GIGYF2: variants seen among roughly 807,000 people sequenced by gnomAD.
GIGYF2 encodes GRB10-interacting GYF protein 2.
Under a neutral mutation model 208.1 loss-of-function variants are expected in GIGYF2, and 25 were observed. The observed-to-expected ratio is 0.12, with a 90% CI of 0.09 to 0.17. The LOEUF (loss-of-function observed/expected upper bound fraction) is 0.17. Ranked by LOEUF, GIGYF2 falls within the 10% of genes least tolerant of loss-of-function variation. The pLI, the probability that GIGYF2 is intolerant of heterozygous loss-of-function variation, is 1.00. For missense variants in GIGYF2, 1,302 were observed against 1,579.4 expected (o/e 0.82, Z 2.98); for synonymous variants, 534 against 543.8 (o/e 0.98, Z 0.25).
chr2:232,849,613 A>T (rs76447861), intron 27 of GIGYF2, among the ~76,000 whole-genome samples: 2,736 of 152,280 alleles, frequency 0.018, 89 homozygotes, highest in African/African-American at 0.062. Flanking sequence ...ACATGCTCAC[A>T]CCAGGCTTGT....
chr2:232,798,567 G>A (rs1275169308), intron 14 of GIGYF2, among the ~76,000 whole-genome samples: 2 of 152,120 alleles, frequency 1.3e-5, no homozygotes, highest in Non-Finnish European at 1.5e-5. Flanking sequence ...ATCCTTATCA[G>A]CATTTGATGT....
intron 9 of GIGYF2, 97 bp from the exon 10 acceptor site, chr2:232,790,601 C>T: frequency 2.0e-6 from 2 of 1,022,146 alleles, no homozygotes; most frequent in South Asian, 2.5e-5. Flanking sequence ...AGTTTGCGGT[C>T]ACTTGTAGTT....
chr2:232,784,288 A>AC (rs1384802448), intron 8 of GIGYF2, among the ~76,000 whole-genome samples: 1 of 150,552 alleles, frequency 6.6e-6, no homozygotes, highest in Non-Finnish European at 1.5e-5. Context: ...ACATAGCAAG[A>AC]CCCCCATCTC....
At chr2:232,764,732 A>G (rs1452526850) in intron 8 of GIGYF2, 1 of 152,194 alleles carries the variant, frequency 6.6e-6, no homozygotes, top group Non-Finnish European at 1.5e-5. Context: ...ATTGTCTGAA[A>G]ATGGCTTGGG....
chr2:232,726,310 A>C (rs1245251426), intron 2 of GIGYF2, among the ~76,000 whole-genome samples: 1 of 149,348 alleles, frequency 6.7e-6, no homozygotes, highest in African/African-American at 2.5e-5. Context: ...CGGAGGTTGC[A>C]GTGAGCCGCT....
chr2:232,819,552 T>C (rs1316326370), intron 20 of GIGYF2, among the ~76,000 whole-genome samples: 1 of 152,226 alleles, frequency 6.6e-6, no homozygotes, highest in African/African-American at 2.4e-5. Flanking sequence ...GGTTAATCAG[T>C]AAATGATGTA....
At chr2:232,708,487 A>T (rs1457487369) in intron 2 of GIGYF2, among the ~76,000 whole-genome samples, 1 of 152,102 alleles carries the variant, frequency 6.6e-6, no homozygotes, top group Non-Finnish European at 1.5e-5. Flanking sequence ...TGAGTACCAT[A>T]TCAATATGTA....
chr2:232,737,050 A>G (rs577019915), intron 3 of GIGYF2, among the ~76,000 whole-genome samples: 1 of 152,330 alleles, frequency 6.6e-6, no homozygotes, highest in African/African-American at 2.4e-5. Flanking sequence ...ATTGAAAGAC[A>G]GAGACGTCCA....
chr2:232,809,599 G>T, intron 15 of GIGYF2, 121 bp from the exon 16 acceptor site: 2 of 713,880 alleles, frequency 2.8e-6, no homozygotes, highest in Non-Finnish European at 5.2e-6. Context: ...TTGGGTAAAA[G>T]GGTAGAGCTG....
chr2:232,720,551 C>T (rs1696885671), intron 2 of GIGYF2, among the ~76,000 whole-genome samples: 1 of 149,802 alleles, frequency 6.7e-6, no homozygotes, highest in East Asian at 2.0e-4. Context: ...GTTTACACTC[C>T]TACCAACAGT....
intron 2 of GIGYF2, among the ~76,000 whole-genome samples, chr2:232,717,186 C>A (rs1559379413): frequency 6.6e-6 from 1 of 152,038 alleles, no homozygotes; most frequent in Non-Finnish European, 1.5e-5. Context: ...GTAGCTCATA[C>A]CTGTAATCCC....
In GIGYF2 at chr2:232,792,328, A is replaced by G. The variant is rs1010158525; in HGVS notation, c.1282+882A>G. Among the ~76,000 whole-genome samples, 61 of 152,192 alleles carry G rather than the reference A, an allele frequency of 4.0e-4. 1 individual carries two copies. Among genetic ancestry groups the G allele is most frequent in the African/African-American group, 1.4e-3 (57 of 41,464 alleles). On this transcript the variant is annotated intron_variant, in intron 12 of 28. Coordinates refer to ENST00000373563, the MANE Select transcript of GIGYF2 (RefSeq NM_001103146.3). ...GGCTTATTTCTAACATAGCATTATAATATCATAAAGATGTTTATTACCTTG... is the reference window on the plus strand; with the variant it reads ...GGCTTATTTCTAACATAGCATTATAGTATCATAAAGATGTTTATTACCTTG...
rs568677322 is a variant in GIGYF2 at position 232,800,754 on chromosome 2, A to G, written c.1639+4533A>G. 4.0e-5 allele frequency among the ~76,000 whole-genome samples: 6 copies of G among 151,858 alleles called. No homozygotes were observed. The South Asian group carries it at 1.2e-3, about 31-fold the overall frequency. Reference sequence around the variant, plus strand: ...ACTCAGCTAATTATTTTTCTTTTTTAGAGATGAGGTTTCAGCTGACACACG... The same window carrying G: ...ACTCAGCTAATTATTTTTCTTTTTTGGAGATGAGGTTTCAGCTGACACACG... On this transcript the variant is annotated intron_variant, in intron 14 of 28. Coordinates refer to ENST00000373563, the MANE Select transcript of GIGYF2 (RefSeq NM_001103146.3).
At chr2:232,756,455 A>G (rs1698545985) in intron 6 of GIGYF2, 121 bp downstream of exon 6, 1 of 573,104 alleles carries the variant, frequency 1.7e-6, no homozygotes, top group Non-Finnish European at 3.1e-6. Flanking sequence ...CTGCATACTA[A>G]ATGTCCTGAA....
intron 15 of GIGYF2, among the ~76,000 whole-genome samples, chr2:232,808,438 CCTGT>C (rs1340969407): frequency 6.6e-6 from 1 of 152,166 alleles, no homozygotes; most frequent in Non-Finnish European, 1.5e-5. Context: ...AGCCCTGCTT[CCTGT>C]CTGTCATTGT....
rs1273263550 is a variant in GIGYF2, at chr2:232,735,735, G to A, written c.41+497G>A. The A allele has an allele frequency of 2.2e-5, 22 of 985,858 alleles. No individual in the cohort carries two copies. In the South Asian group the frequency reaches 6.6e-4, roughly 29 times the overall value. The allele number at this position is 985,858 out of a possible 1,614,324, so 61.1% of individuals were successfully genotyped here. On this transcript the variant is annotated intron_variant, in intron 3 of 28. Transcript: ENST00000373563. ...TTCAGTTAGCATTGGACATAATAAC[G>A]ATTAATTGACCTTTGAGTCTCTTAC... is the stretch of plus-strand genomic sequence containing the variant.
chr2:232,781,097 A>G (rs1341317442), intron 8 of GIGYF2, among the ~76,000 whole-genome samples: 1 of 152,106 alleles, frequency 6.6e-6, no homozygotes, highest in East Asian at 1.9e-4. Flanking sequence ...AGCTGGGACT[A>G]CAGGCGCACA....
At chr2:232,842,894 C>T (rs1160470260) in intron 23 of GIGYF2, 1 of 152,212 alleles carries the variant, frequency 6.6e-6, no homozygotes, top group Non-Finnish European at 1.5e-5. Flanking sequence ...CCTAACTGCA[C>T]AGAGTGCGGG....
At chr2:232,853,365 C>T (rs931307144) in intron 28 of GIGYF2, among the ~76,000 whole-genome samples, 150 of 152,296 alleles carry the variant, frequency 9.8e-4, no homozygotes, top group African/African-American at 3.4e-3. Flanking sequence ...CTTCCTCCAC[C>T]TCCCGGGTTC....
Sources: gnomAD v4.1 joint callset for allele counts (sites outside exome capture counted in the v4.1 genomes callset) on GRCh38, gnomAD v4.1.1 for gene constraint, MANE v1.5 for transcripts, NCBI Gene and HGNC (gene_info 2026-07-23, HGNC 2026-07-21) for gene names.